The following SASH1 variants were observed in gnomAD, a reference collection of about 807,000 sequenced individuals.
SASH1 encodes SAM and SH3 domain-containing protein 1.
A neutral mutation model predicts 125.2 loss-of-function variants in SASH1; 44 were observed. The observed-to-expected ratio is 0.35, with a 90% CI of 0.28 to 0.45. The LOEUF is 0.45. SASH1 is among the 20% of genes least tolerant of loss of function. The pLI is 1.00. For missense variants in SASH1, 1,426 were observed against 1,614.5 expected (o/e 0.88, Z 2.00); for synonymous variants, 639 against 649.1 (o/e 0.98, Z 0.24).
chr6:148,196,297 C>T, the SASH1 span, among the ~76,000 whole-genome samples: 1 of 152,222 alleles, frequency 6.6e-6, no homozygotes, highest in Non-Finnish European at 1.5e-5. Flanking sequence ...CCTCCAAGTG[C>T]AGCTTTAAGT....
At chr6:148,463,766 G>C (rs62432309) in intron 4 of SASH1, among the ~76,000 whole-genome samples, 13,469 of 152,176 alleles carry the variant, frequency 0.089, 704 homozygotes, top group Middle Eastern at 0.14. Context: ...TGTCCAAAGG[G>C]GACCTCTTGT....
At chr6:148,265,872 G>A in the SASH1 span, among the ~76,000 whole-genome samples, 4 of 152,196 alleles carry the variant, frequency 2.6e-5, no homozygotes, top group East Asian at 1.9e-4. Flanking sequence ...ATGCTTTTGC[G>A]TGACTGGCTC....
intron 1 of SASH1, among the ~76,000 whole-genome samples, chr6:148,282,975 C>T (rs144890099): frequency 8.3e-4 from 127 of 152,214 alleles, no homozygotes; most frequent in Middle Eastern, 3.4e-3. Context: ...ATCCAGAGAA[C>T]GCCTGGAGTC....
intron 1 of SASH1, among the ~76,000 whole-genome samples, chr6:148,274,588 G>C (rs542543119): frequency 6.6e-6 from 1 of 152,300 alleles, no homozygotes; most frequent in South Asian, 2.1e-4. Flanking sequence ...AGACAGAAAG[G>C]GGAATTATCA....
chr6:148,528,987 G>T (rs941537039), intron 12 of SASH1, among the ~76,000 whole-genome samples: 5 of 151,968 alleles, frequency 3.3e-5, no homozygotes, highest in African/African-American at 1.2e-4. Flanking sequence ...CATAAACAGC[G>T]TGCAACCTAG....
In SASH1 at chr6:148,361,970, G is replaced by T. The variant is rs1437564781; in HGVS notation, c.156+18747G>T. ...ACTCTGTCGCCCAGGCTGGAGTGCA[G>T]TGGCGCGATCTCGGCTCACTGCAAG... On this transcript the variant is annotated intron_variant, in intron 1 of 19. Transcript: ENST00000367467. Among the ~76,000 whole-genome samples the T allele has an allele frequency of 4.8e-5, 7 of 144,850 alleles. No individual in the cohort carries two copies. The Admixed American group carries it at 4.9e-4, about 10-fold the overall frequency.
the SASH1 span, among the ~76,000 whole-genome samples, chr6:148,259,206 C>A: frequency 1.3e-5 from 2 of 152,230 alleles, no homozygotes; most frequent in Middle Eastern, 3.4e-3. Context: ...CAGGCCAATA[C>A]CTAAAGATTC....
chr6:148,423,404 T>C (rs932893167), intron 2 of SASH1, among the ~76,000 whole-genome samples: 3 of 152,242 alleles, frequency 2.0e-5, no homozygotes, highest in African/African-American at 7.2e-5. Flanking sequence ...TTAGAAAATA[T>C]GGTTCAGAGA....
chr6:148,446,253 T>C (rs536407720), intron 4 of SASH1, among the ~76,000 whole-genome samples: 20 of 151,954 alleles, frequency 1.3e-4, no homozygotes, highest in Admixed American at 2.6e-4. Flanking sequence ...GGACTACAGG[T>C]GCCCGCCATC....
intron 8 of SASH1, among the ~76,000 whole-genome samples, chr6:148,506,549 C>T (rs201170986): frequency 4.6e-5 from 7 of 152,194 alleles, no homozygotes; most frequent in South Asian, 4.2e-4. Flanking sequence ...ATTTCAGGTA[C>T]GCAGTATTTA....
intron 1 of SASH1, among the ~76,000 whole-genome samples, chr6:148,365,304 T>G (rs979946942): frequency 6.6e-6 from 1 of 152,324 alleles, no homozygotes; most frequent in Middle Eastern, 3.4e-3. Context: ...ATTTCTCTTC[T>G]TTGCACATTC....
intron 1 of SASH1, among the ~76,000 whole-genome samples, chr6:148,368,802 C>T (rs1196346693): frequency 2.9e-5 from 1 of 34,218 alleles, no homozygotes; most frequent in Non-Finnish European, 7.2e-5. Context: ...ACACGGGGTT[C>T]TATTTGTTGT....
chr6:148,549,737 C>T lies in SASH1; in HGVS notation c.*1179C>T. The T allele has an allele frequency of 5.1e-6, 2 of 395,306 alleles. No individual in the cohort carries two copies. 24.5% of individuals were successfully genotyped at this position (395,306 alleles called of 1,614,324 possible). On this transcript the variant is annotated 3_prime_UTR_variant, in exon 20 of 20. Coordinates refer to ENST00000367467, the MANE Select transcript of SASH1 (RefSeq NM_015278.5). ...TTTAAACAAAGGTTCACTATGGAAC[C>T]AGACAAATCTCATTAGCCATGTGTT...
intron 4 of SASH1, among the ~76,000 whole-genome samples, chr6:148,462,766 C>A (rs749897069): frequency 1.1e-4 from 16 of 152,172 alleles, no homozygotes; most frequent in Middle Eastern, 3.4e-3. Flanking sequence ...AAAGAAGCAT[C>A]CTGTTAAAGA....
chr6:148,518,328 C>T (rs1780562409), intron 9 of SASH1, among the ~76,000 whole-genome samples: 1 of 152,190 alleles, frequency 6.6e-6, no homozygotes, highest in African/African-American at 2.4e-5. Context: ...CCACCGTCTG[C>T]TGGGCATGAA....
At chr6:148,309,175 A>G (rs1297618581) in intron 1 of SASH1, among the ~76,000 whole-genome samples, 3 of 152,046 alleles carry the variant, frequency 2.0e-5, no homozygotes, top group Non-Finnish European at 2.9e-5. Flanking sequence ...GGGGGAAAAA[A>G]GAGTACAGAA....
At chr6:148,525,691 C>T (rs866601734) in intron 11 of SASH1, among the ~76,000 whole-genome samples, 9 of 151,994 alleles carry the variant, frequency 5.9e-5, no homozygotes, top group Middle Eastern at 3.2e-3. Context: ...TTTCTTCTTG[C>T]TAGTTGCAAG....
At chr6:148,211,753 C>T in the SASH1 span, among the ~76,000 whole-genome samples, 1 of 152,196 alleles carries the variant, frequency 6.6e-6, no homozygotes, top group East Asian at 1.9e-4. Context: ...CTTTCCACTA[C>T]ACCAGTGATA....
chr6:148,511,282 A>G (rs1780109137), intron 8 of SASH1, among the ~76,000 whole-genome samples: 1 of 147,984 alleles, frequency 6.8e-6, no homozygotes, highest in Admixed American at 6.8e-5. Context: ...AGGTTGTTGA[A>G]CTCAAGTAAC....
Sources: allele counts gnomAD v4.1 joint callset (sites outside exome capture counted in the v4.1 genomes callset), GRCh38; gene constraint gnomAD v4.1.1; transcripts MANE v1.5; gene names NCBI Gene and HGNC (gene_info 2026-07-23, HGNC 2026-07-21).